CNTN5: variants seen among roughly 807,000 people sequenced by gnomAD.
CNTN5 encodes the protein contactin-5.
Under a neutral mutation model 129.1 loss-of-function variants are expected in CNTN5, and 77 were observed. That is an observed-to-expected ratio of 0.60 (90% CI 0.50 to 0.72). The LOEUF is 0.72. Ranked by LOEUF, CNTN5 falls within the 30% of genes least tolerant of loss-of-function variation. CNTN5 has a pLI of 0.00. For missense variants in CNTN5, 1,478 were observed against 1,328.8 expected (o/e 1.11, Z -1.75); for synonymous variants, 509 against 465.6 (o/e 1.09, Z -1.20).
intron 16 of CNTN5, among the ~76,000 whole-genome samples, chr11:100,225,896 C>G (rs1949363040): frequency 6.6e-6 from 1 of 152,054 alleles, no homozygotes; most frequent in Admixed American, 6.6e-5. Context: ...TGAGCCTCAT[C>G]ATCTCTATGT....
chr11:99,694,318 T>C (rs1349597326), intron 3 of CNTN5, among the ~76,000 whole-genome samples: 1 of 152,090 alleles, frequency 6.6e-6, no homozygotes, highest in Non-Finnish European at 1.5e-5. Context: ...TATTTAATGT[T>C]ATCTATGGCT....
intron 1 of CNTN5, among the ~76,000 whole-genome samples, chr11:99,202,520 A>T (rs1163747470): frequency 6.6e-6 from 1 of 152,218 alleles, no homozygotes; most frequent in Non-Finnish European, 1.5e-5. Flanking sequence ...AATCAAGGAC[A>T]TCTTAAGATG....
chr11:99,300,339 A>G (rs1416078863), intron 1 of CNTN5, among the ~76,000 whole-genome samples: 3 of 151,902 alleles, frequency 2.0e-5, no homozygotes, highest in Non-Finnish European at 4.4e-5. Context: ...GAGATGCTGT[A>G]TTTTATCTAA....
chr11:100,040,148 G>A (rs763292596), intron 9 of CNTN5, among the ~76,000 whole-genome samples: 86 of 151,102 alleles, frequency 5.7e-4, no homozygotes, highest in Non-Finnish European at 1.1e-3. Context: ...TGGGTTTTTG[G>A]TGTGGATGTC....
At chr11:99,743,175 T>C (rs1315475814) in intron 3 of CNTN5, among the ~76,000 whole-genome samples, 1 of 152,202 alleles carries the variant, frequency 6.6e-6, no homozygotes, top group African/African-American at 2.4e-5. Flanking sequence ...ATCTCAATTA[T>C]ATCAGGAATT....
chr11:100,175,262 C>T (rs766197967), intron 13 of CNTN5, among the ~76,000 whole-genome samples: 3 of 152,012 alleles, frequency 2.0e-5, no homozygotes, highest in Non-Finnish European at 4.4e-5. Context: ...TTTGTCAGCC[C>T]GGTGTGCTTC....
chr11:99,380,091 G>GTGTA (rs966606041), intron 2 of CNTN5, among the ~76,000 whole-genome samples: 1 of 151,482 alleles, frequency 6.6e-6, no homozygotes, highest in African/African-American at 2.4e-5. Context: ...CTGTGTGTGT[G>GTGTA]TGTGTGTGTG....
At chr11:99,974,796 A>G (rs896718383) in intron 8 of CNTN5, among the ~76,000 whole-genome samples, 1 of 152,244 alleles carries the variant, frequency 6.6e-6, no homozygotes, top group Admixed American at 6.5e-5. Context: ...TCTACTTAAT[A>G]TTATAGCATG....
At chr11:99,716,834 C>T (rs544893815) in intron 3 of CNTN5, among the ~76,000 whole-genome samples, 4 of 152,090 alleles carry the variant, frequency 2.6e-5, no homozygotes, top group Admixed American at 6.6e-5. Flanking sequence ...GTCATTCATT[C>T]AACAGTGTTT....
intron 1 of CNTN5, among the ~76,000 whole-genome samples, chr11:99,176,758 A>C (rs1167798785): frequency 6.6e-6 from 1 of 152,162 alleles, no homozygotes; most frequent in African/African-American, 2.4e-5. Context: ...TCTTTGCAAT[A>C]AAATTCTAAT....
At chr11:99,127,792 T>G (rs2135424467) in intron 1 of CNTN5, among the ~76,000 whole-genome samples, 1 of 152,324 alleles carries the variant, frequency 6.6e-6, no homozygotes, top group Admixed American at 6.5e-5. Flanking sequence ...CCTTTAGGGC[T>G]GTGTGAGGTA....
intron 3 of CNTN5, among the ~76,000 whole-genome samples, chr11:99,657,696 A>G (rs1340607901): frequency 6.6e-6 from 1 of 152,152 alleles, no homozygotes; most frequent in African/African-American, 2.4e-5. Context: ...GCTGTCAATT[A>G]TGACGTATTA....
intron 6 of CNTN5, among the ~76,000 whole-genome samples, chr11:99,870,868 A>G (rs1410311379): frequency 4.6e-5 from 7 of 152,084 alleles, no homozygotes; most frequent in Admixed American, 4.6e-4. Flanking sequence ...CTGATTTCTC[A>G]GACTTTTGAG....
At chr11:99,037,250 A>G (rs760582983) in intron 1 of CNTN5, among the ~76,000 whole-genome samples, 8 of 152,266 alleles carry the variant, frequency 5.3e-5, no homozygotes, top group African/African-American at 9.6e-5. Flanking sequence ...CTCTCCCTCT[A>G]TTCTCCAACA....
At chr11:99,975,689 A>G (rs931433268) in intron 8 of CNTN5, among the ~76,000 whole-genome samples, 1 of 152,112 alleles carries the variant, frequency 6.6e-6, no homozygotes, top group Non-Finnish European at 1.5e-5. Flanking sequence ...ATCAGATCTC[A>G]TGAGAACTCT....
chr11:99,229,831 C>T (rs1860894284), intron 1 of CNTN5, among the ~76,000 whole-genome samples: 1 of 151,942 alleles, frequency 6.6e-6, no homozygotes, highest in Admixed American at 6.6e-5. Flanking sequence ...GGTCACTGTG[C>T]TACTTCTGTC....
chr11:99,577,190 A>G (rs1026683949), intron 3 of CNTN5, among the ~76,000 whole-genome samples: 2 of 152,182 alleles, frequency 1.3e-5, no homozygotes, highest in Non-Finnish European at 2.9e-5. Flanking sequence ...GTAGAGAGAA[A>G]AAAAGATTGC....
chr11:100,121,747 G>A (rs1201010986), intron 13 of CNTN5, among the ~76,000 whole-genome samples: 1 of 151,974 alleles, frequency 6.6e-6, no homozygotes, highest in Non-Finnish European at 1.5e-5. Context: ...AGAGTCTCTT[G>A]TTTTCTTTTC....
chr11:100,115,985 T>C (rs1279750195), intron 13 of CNTN5, among the ~76,000 whole-genome samples: 1 of 151,812 alleles, frequency 6.6e-6, no homozygotes, highest in Non-Finnish European at 1.5e-5. Flanking sequence ...AAGAAGAGAA[T>C]TTGTTGGATG....
Sources: gnomAD v4.1 joint callset for allele counts (sites outside exome capture counted in the v4.1 genomes callset) on GRCh38, gnomAD v4.1.1 for gene constraint, MANE v1.5 for transcripts, NCBI Gene and HGNC (gene_info 2026-07-23, HGNC 2026-07-21) for gene names.